SH3RF3: variants seen among roughly 807,000 people sequenced by gnomAD.
SH3RF3 encodes the protein E3 ubiquitin-protein ligase SH3RF3.
In SH3RF3, 29 loss-of-function variants were observed where a neutral mutation model predicts 66.3. The ratio of observed to expected loss-of-function variants is 0.44; its 90% CI spans 0.33 to 0.60. The LOEUF is 0.60. SH3RF3 is among the 20% of genes least tolerant of loss of function. The pLI is 0.04. For missense variants in SH3RF3, 1,194 were observed against 1,190.9 expected, an observed-to-expected ratio of 1.00 and a Z score of -0.04; for synonymous variants, 583 against 532.0, an observed-to-expected ratio of 1.10 and a Z score of -1.32.
chr2:109,187,480 T>G (rs1041076122), intron 1 of SH3RF3, among the ~76,000 whole-genome samples: 1 of 152,190 alleles, frequency 6.6e-6, no homozygotes, highest in Non-Finnish European at 1.5e-5. Context: ...GCATATACTG[T>G]GTGATAAGAT....
chr2:109,171,004 G>C (rs914134193), intron 1 of SH3RF3, among the ~76,000 whole-genome samples: 1 of 152,196 alleles, frequency 6.6e-6, no homozygotes, highest in African/African-American at 2.4e-5. Context: ...CCAAGCCCGG[G>C]AGGCACACCT....
At chr2:109,283,298 A>G (rs7596934) in intron 1 of SH3RF3, among the ~76,000 whole-genome samples, 111,942 of 152,086 alleles carry the variant, frequency 0.74, 41,895 homozygotes, top group East Asian at 0.9. Context: ...CCCACTCCCC[A>G]CTTGTGGGCC....
chr2:109,351,841 G>T (rs556040505), intron 2 of SH3RF3, among the ~76,000 whole-genome samples: 2 of 152,358 alleles, frequency 1.3e-5, no homozygotes, highest in South Asian at 4.1e-4. Context: ...TCCTGATCTG[G>T]TCAGACCTTA....
At position 109,377,044 on chromosome 2, in the gene SH3RF3, T is replaced by C. The variant is rs540111958; in HGVS notation, c.945+5363T>C. On this transcript the variant is annotated intron_variant, in intron 3 of 9. Transcript: ENST00000309415. Reference sequence around the variant, plus strand: ...AGAGCCGCTCAGAGTCCGGGCTATTTTGCTGCCTTTGGATTTGGCTTGGGC... The same window carrying C: ...AGAGCCGCTCAGAGTCCGGGCTATTCTGCTGCCTTTGGATTTGGCTTGGGC... 3.7e-3 allele frequency among the ~76,000 whole-genome samples: 559 copies of C among 152,356 alleles called. 1 individual carries two copies. The highest frequency in any genetic ancestry group is 0.013 in the African/African-American group (525 of 41,590).
At chr2:109,187,166 C>T (rs541834096) in intron 1 of SH3RF3, among the ~76,000 whole-genome samples, 15 of 152,304 alleles carry the variant, frequency 9.8e-5, no homozygotes, top group African/African-American at 3.4e-4. Context: ...CTGACCACTT[C>T]GTCGTCATTA....
chr2:109,364,479 G>C (rs943059704), intron 2 of SH3RF3, among the ~76,000 whole-genome samples: 1 of 152,206 alleles, frequency 6.6e-6, no homozygotes, highest in South Asian at 2.1e-4. Flanking sequence ...ATCTGGTTCT[G>C]ATGCTTGCTC....
chr2:109,213,831 C>T (rs1054245326), intron 1 of SH3RF3, among the ~76,000 whole-genome samples: 8 of 152,172 alleles, frequency 5.3e-5, no homozygotes, highest in Non-Finnish European at 1.0e-4. Context: ...GCTGGAAGGG[C>T]AGGGTTACAG....
intron 1 of SH3RF3, among the ~76,000 whole-genome samples, chr2:109,295,272 C>G (rs1313724642): frequency 6.6e-6 from 1 of 152,202 alleles, no homozygotes; most frequent in Non-Finnish European, 1.5e-5. Flanking sequence ...GCGGTGGCTC[C>G]AGGAAGCAGG....
intron 1 of SH3RF3, among the ~76,000 whole-genome samples, chr2:109,136,813 G>A (rs1676825008): frequency 1.3e-5 from 2 of 152,316 alleles, no homozygotes; most frequent in South Asian, 4.1e-4. Context: ...TCAGGAGGAG[G>A]TGTGAGAGAA....
At chr2:109,299,052 C>T (rs926083846) in intron 1 of SH3RF3, among the ~76,000 whole-genome samples, 1 of 152,220 alleles carries the variant, frequency 6.6e-6, no homozygotes, top group Non-Finnish European at 1.5e-5. Flanking sequence ...TCACCTGCTT[C>T]AGCCACACCA....
chr2:109,411,579 A>T (rs189408049), intron 4 of SH3RF3, among the ~76,000 whole-genome samples: 1 of 152,292 alleles, frequency 6.6e-6, no homozygotes, highest in East Asian at 1.9e-4. Context: ...TCGGGAAGCC[A>T]CGACCAGTGT....
At chr2:109,203,112 G>A (rs1217615900) in intron 1 of SH3RF3, among the ~76,000 whole-genome samples, 1 of 152,122 alleles carries the variant, frequency 6.6e-6, no homozygotes, top group African/African-American at 2.4e-5. Flanking sequence ...CCTGCACGGT[G>A]CCCTGGGCCT....
rs1352656680 is a variant in SH3RF3 at position 109,170,224 on chromosome 2, CTTCTCTTCTCTTCTTTTCTT to C, written c.573+40126_573+40145del. On this transcript the variant is annotated intron_variant, in intron 1 of 9. Coordinates refer to ENST00000309415, the MANE Select transcript of SH3RF3 (RefSeq NM_001099289.3). ...TGTTTTCTTTCTCTCTCTTTTTTCT[CTTCTCTTCTCTTCTTTTCTT>C]TTCTCTTCTCTTCTCTTCTCTTCTC... 5.7e-3 allele frequency among the ~76,000 whole-genome samples: 412 copies of C among 72,116 alleles called. 4 individuals are homozygous for C. The highest frequency in any genetic ancestry group is 0.018 in the African/African-American group (301 of 16,568). The allele number at this position is 72,116 out of a possible 152,430, so 47.3% of individuals were successfully genotyped here. A position where few individuals can be genotyped will look rare whatever the true frequency, so the allele number is the denominator to read the frequency against.
chr2:109,182,438 C>T (rs1049153236), intron 1 of SH3RF3, among the ~76,000 whole-genome samples: 3 of 152,272 alleles, frequency 2.0e-5, no homozygotes, highest in South Asian at 4.1e-4. Flanking sequence ...ATCAAATTTC[C>T]AACACATAAA....
chr2:109,315,781 G>A (rs1681865375), intron 1 of SH3RF3, among the ~76,000 whole-genome samples: 1 of 152,194 alleles, frequency 6.6e-6, no homozygotes, highest in African/African-American at 2.4e-5. Context: ...GTGAATGCCG[G>A]TTGCTGCCTT....
At chr2:109,158,205 C>T (rs2104897297) in intron 1 of SH3RF3, among the ~76,000 whole-genome samples, 1 of 152,296 alleles carries the variant, frequency 6.6e-6, no homozygotes, top group Non-Finnish European at 1.5e-5. Flanking sequence ...GAAATGATTG[C>T]TCTGGGGAGG....
In SH3RF3 at chr2:109,347,493, C is replaced by G. The variant is rs536225419; in HGVS notation, c.574-181C>G. 3.3e-5 allele frequency among the ~76,000 whole-genome samples: 5 copies of G among 152,170 alleles called. No individual in the cohort carries two copies. The East Asian group carries it at 9.7e-4, about 29-fold the overall frequency. ...GGACCCTCTTATCTCAGTGGCGCCT[C>G]AGAATGTGCATGTTCCTGTGACAGG... On this transcript the variant is annotated intron_variant, in intron 1 of 9. Transcript: ENST00000309415.
intron 1 of SH3RF3, among the ~76,000 whole-genome samples, chr2:109,320,399 G>A (rs1681994492): frequency 6.6e-6 from 1 of 152,190 alleles, no homozygotes; most frequent in South Asian, 2.1e-4. Flanking sequence ...ACCACAGTGA[G>A]TGCAAAACCA....
chr2:109,159,078 C>T (rs182312697), intron 1 of SH3RF3, among the ~76,000 whole-genome samples: 19 of 152,326 alleles, frequency 1.2e-4, no homozygotes, highest in Admixed American at 1.0e-3. Context: ...GATCGCACCA[C>T]TGCACTCCAG....
Sources: allele counts gnomAD v4.1 joint callset (sites outside exome capture counted in the v4.1 genomes callset), GRCh38; gene constraint gnomAD v4.1.1; transcripts MANE v1.5; gene names NCBI Gene and HGNC (gene_info 2026-07-23, HGNC 2026-07-21).